The following ANO1 variants were observed in gnomAD, a reference collection of about 807,000 sequenced individuals.
The protein encoded by ANO1 is anoctamin 1.
In ANO1, 59 loss-of-function variants were observed where a neutral mutation model predicts 124.0. The ratio of observed to expected loss-of-function variants is 0.48; its 90% CI spans 0.39 to 0.59. The LOEUF (loss-of-function observed/expected upper bound fraction) is 0.59. ANO1 is among the 20% of genes least tolerant of loss of function. The pLI is 0.00. For missense variants in ANO1, 1,059 were observed against 1,328.0 expected, an observed-to-expected ratio of 0.80 and a Z score of 3.15; for synonymous variants, 529 against 532.0, an observed-to-expected ratio of 0.99 and a Z score of 0.08.
chr11:69,970,456 A>ACTG, the ANO1 span, among the ~76,000 whole-genome samples: 1 of 152,196 alleles, frequency 6.6e-6, no homozygotes, highest in African/African-American at 2.4e-5. Flanking sequence ...CATGTTAGGA[A>ACTG]AGGTTCGTGA....
At chr11:70,168,890 A>G (rs1300946064) in intron 21 of ANO1, among the ~76,000 whole-genome samples, 1 of 152,120 alleles carries the variant, frequency 6.6e-6, no homozygotes, top group African/African-American at 2.4e-5. Context: ...TGCAAGGAGC[A>G]CCTTGCCATT....
the ANO1 span, among the ~76,000 whole-genome samples, chr11:69,971,635 C>T: frequency 6.6e-6 from 1 of 152,136 alleles, no homozygotes; most frequent in Non-Finnish European, 1.5e-5. Flanking sequence ...TCACTGGCTG[C>T]CTCCCTGTCT....
intron 1 of ANO1, among the ~76,000 whole-genome samples, chr11:70,079,950 G>A (rs1389813037): frequency 6.6e-6 from 1 of 152,242 alleles, no homozygotes; most frequent in Non-Finnish European, 1.5e-5. Flanking sequence ...GGGAACAGGT[G>A]TAGATGGAGA....
intron 1 of ANO1, among the ~76,000 whole-genome samples, chr11:70,084,084 G>A (rs896030941): frequency 2.5e-4 from 38 of 152,104 alleles, no homozygotes; most frequent in African/African-American, 9.2e-4. Flanking sequence ...AGGGGGAGAG[G>A]AGACTGGGGA....
At chr11:69,994,145 A>T (rs961907987) in intron 1 of ANO1, among the ~76,000 whole-genome samples, 5 of 150,230 alleles carry the variant, frequency 3.3e-5, no homozygotes, top group African/African-American at 1.2e-4. Flanking sequence ...TAAGCGGTGC[A>T]TGGGCTAGCT....
At chr11:69,985,637 C>A (rs1436553556), upstream of ANO1, among the ~76,000 whole-genome samples, 2 of 152,166 alleles carry the variant, frequency 1.3e-5, no homozygotes, top group Non-Finnish European at 2.9e-5. Context: ...TGGGGGTGCA[C>A]CTCGCAGGGC....
rs1376574950 is a variant in ANO1, at chr11:70,188,853, CA to C, written c.*850del. On this transcript the variant is annotated 3_prime_UTR_variant, in exon 26 of 26. Transcript: ENST00000355303. ...GGGTTTCAAGAAGTCTTAGGGCTTC[CA>C]GGGGTCCCCTGGAAGCTTTAGAATA... is the stretch of plus-strand genomic sequence containing the variant. 4.8e-5 allele frequency: 7 copies of C among 146,920 alleles called. No individual in the cohort carries two copies. The highest frequency in any genetic ancestry group is 1.1e-4 in the Non-Finnish European group (7 of 66,620). The allele number at this position is 146,920 out of a possible 1,614,324, so 9.1% of individuals were successfully genotyped here.
chr11:69,998,543 TA>T (rs1357552775), intron 1 of ANO1, among the ~76,000 whole-genome samples: 9 of 152,330 alleles, frequency 5.9e-5, no homozygotes, highest in Middle Eastern at 3.4e-3. Flanking sequence ...TCGAAGCCAT[TA>T]TTAATAAAGC....
chr11:70,150,962 A>G (rs1443457129), intron 12 of ANO1, among the ~76,000 whole-genome samples: 2 of 152,196 alleles, frequency 1.3e-5, no homozygotes, highest in Non-Finnish European at 2.9e-5. Flanking sequence ...CTTTGGGTTG[A>G]CAATATTGTC....
intron 9 of ANO1, among the ~76,000 whole-genome samples, chr11:70,125,376 C>T (rs978590595): frequency 7.3e-6 from 1 of 137,010 alleles, no homozygotes; most frequent in South Asian, 2.3e-4. Context: ...ATGCAATGGG[C>T]GTGGTGGCAA....
At chr11:70,172,667 C>T (rs1416915940) in intron 22 of ANO1, among the ~76,000 whole-genome samples, 2 of 152,114 alleles carry the variant, frequency 1.3e-5, no homozygotes, top group Non-Finnish European at 2.9e-5. Flanking sequence ...GTCAGGAGTT[C>T]GAGACCAGCC....
chr11:70,016,034 T>C (rs1165571041), intron 1 of ANO1, among the ~76,000 whole-genome samples: 2 of 151,926 alleles, frequency 1.3e-5, no homozygotes, highest in East Asian at 1.9e-4. Context: ...CTTTTTTTTT[T>C]TCTTTTTTTT....
chr11:70,013,527 C>T (rs1856639056), intron 1 of ANO1, among the ~76,000 whole-genome samples: 1 of 152,146 alleles, frequency 6.6e-6, no homozygotes, highest in Non-Finnish European at 1.5e-5. Context: ...AATCCCAGCA[C>T]TTTGGGAGGC....
chr11:70,125,766 C>T (rs1414437189), intron 9 of ANO1, among the ~76,000 whole-genome samples: 5 of 150,448 alleles, frequency 3.3e-5, no homozygotes, highest in Non-Finnish European at 7.4e-5. Context: ...ATGGCGTGAA[C>T]GCGGGAGGTG....
chr11:70,155,766 G>T (rs910791294), intron 14 of ANO1, 145 bp from the exon 15 acceptor site: 2 of 651,214 alleles, frequency 3.1e-6, no homozygotes, highest in Non-Finnish European at 5.0e-6. Flanking sequence ...CCCAGAACCC[G>T]AGTCAGCCTT....
At chr11:70,116,658 T>G (rs1192867512) in intron 8 of ANO1, 159 bp downstream of exon 8, 1 of 628,334 alleles carries the variant, frequency 1.6e-6, no homozygotes, top group Non-Finnish European at 2.8e-6. Flanking sequence ...CTCTCACCTT[T>G]TCAGGAGAAA....
At chr11:70,103,892 G>A (rs1448215066) in intron 3 of ANO1, 107 bp from the exon 4 acceptor site, 44 of 1,249,296 alleles carry the variant, frequency 3.5e-5, no homozygotes, top group Middle Eastern at 2.3e-4. Flanking sequence ...CTCTCAGGAC[G>A]CCCCGTTGCA....
chr11:70,135,431 A>G (rs1239513006), intron 11 of ANO1, among the ~76,000 whole-genome samples: 1 of 152,154 alleles, frequency 6.6e-6, no homozygotes, highest in Non-Finnish European at 1.5e-5. Context: ...ACATTTAACC[A>G]TGAATAAAAG....
At chr11:70,085,156 C>T (rs374561169) in intron 1 of ANO1, among the ~76,000 whole-genome samples, 2 of 152,264 alleles carry the variant, frequency 1.3e-5, no homozygotes, top group South Asian at 2.1e-4. Context: ...TCCTCCTTGG[C>T]GAATTGAGAA....
Sources: gnomAD v4.1 joint callset for allele counts (sites outside exome capture counted in the v4.1 genomes callset) on GRCh38, gnomAD v4.1.1 for gene constraint, MANE v1.5 for transcripts, NCBI Gene and HGNC (gene_info 2026-07-23, HGNC 2026-07-21) for gene names.